Variants in PPEF1 observed in about 807,000 individuals in gnomAD.
PPEF1 encodes serine/threonine-protein phosphatase with EF-hands 1.
In PPEF1, 12 loss-of-function variants were observed where a neutral mutation model predicts 53.3. That is an observed-to-expected ratio of 0.23 (90% confidence interval 0.14 to 0.36). The LOEUF (loss-of-function observed/expected upper bound fraction) is 0.36, where lower values mean the gene tolerates loss of function less well. Ranked by LOEUF, PPEF1 falls within the 10% of genes least tolerant of loss-of-function variation. The pLI, the probability that PPEF1 is intolerant of heterozygous loss-of-function variation, is 1.00. For synonymous variants in PPEF1, 165 were observed against 176.7 expected (o/e 0.93, Z 0.52); for missense variants, 334 against 490.4 (o/e 0.68, Z 3.01).
intron 4 of PPEF1, 125 bp from the exon 5 acceptor site, chrX:18,757,502 T>C: frequency 2.0e-6 from 1 of 496,463 alleles, no homozygotes; most frequent in Non-Finnish European, 3.5e-6. Flanking sequence ...TCAGAATAAT[T>C]GAAAGGTTAT....
chrX:18,692,804 G>A (rs973341287), intron 4 of PPEF1, among the ~76,000 whole-genome samples: 3 of 111,787 alleles, frequency 2.7e-5, no homozygotes, highest in East Asian at 2.8e-4. Flanking sequence ...CGGAATCCAC[G>A]CAGTCTGTAC....
At chrX:18,751,883 T>G (rs1270536751) in intron 4 of PPEF1, among the ~76,000 whole-genome samples, 1 of 112,819 alleles carries the variant, frequency 8.9e-6, no homozygotes, top group African/African-American at 3.2e-5. Context: ...AGTACCACAC[T>G]GTCTTGATTG....
At chrX:18,677,035 C>CTTTT (rs763530257) in intron 1 of PPEF1, among the ~76,000 whole-genome samples, 2 of 90,045 alleles carry the variant, frequency 2.2e-5, no homozygotes, top group Non-Finnish European at 4.3e-5. Context: ...TCATCACAAT[C>CTTTT]TTTTTTTTTT....
intron 3 of PPEF1, among the ~76,000 whole-genome samples, chrX:18,745,292 C>T (rs1024410914): frequency 1.9e-5 from 2 of 103,269 alleles, no homozygotes; most frequent in Admixed American, 2.3e-4. Context: ...TGGCTCACTG[C>T]AGCCTCGACC....
chrX:18,810,027 A>G (rs2046772210), intron 12 of PPEF1, among the ~76,000 whole-genome samples: 2 of 109,810 alleles, frequency 1.8e-5, no homozygotes, highest in South Asian at 7.9e-4. Flanking sequence ...TTTATTTGCC[A>G]GTTATAAATA....
intron 10 of PPEF1, among the ~76,000 whole-genome samples, chrX:18,789,899 C>G (rs959658500): frequency 1.8e-5 from 2 of 112,227 alleles, no homozygotes; most frequent in Non-Finnish European, 3.8e-5. Flanking sequence ...CTTCTATGAG[C>G]CATCACATAC....
intron 1 of PPEF1, among the ~76,000 whole-genome samples, chrX:18,708,238 A>G (rs1000395067): frequency 8.9e-6 from 1 of 112,122 alleles, no homozygotes; most frequent in Non-Finnish European, 1.9e-5. Context: ...CATTATTTCT[A>G]TATCTATTCA....
intron 3 of PPEF1, among the ~76,000 whole-genome samples, chrX:18,686,775 A>G (rs1929096947): frequency 8.9e-6 from 1 of 111,793 alleles, no homozygotes; most frequent in Non-Finnish European, 1.9e-5. Flanking sequence ...ATTGAATACT[A>G]TGAGCCAGGC....
intron 13 of PPEF1, among the ~76,000 whole-genome samples, chrX:18,821,758 C>T (rs867810688): frequency 2.0e-3 from 58 of 28,668 alleles, no homozygotes; most frequent in Middle Eastern, 0.035. Context: ...GAAACCATGG[C>T]GAGAGAGAGA....
At chrX:18,683,848 A>T (rs1194180285) in intron 1 of PPEF1, among the ~76,000 whole-genome samples, 1 of 112,347 alleles carries the variant, frequency 8.9e-6, no homozygotes, top group East Asian at 2.8e-4. Context: ...ATTGGGAAGA[A>T]GAAAGCTGCA....
intron 7 of PPEF1, among the ~76,000 whole-genome samples, chrX:18,781,817 G>A (rs761051887): frequency 9.0e-6 from 1 of 111,335 alleles, no homozygotes; most frequent in South Asian, 3.8e-4. Context: ...CTGCTATTCA[G>A]GCATTAAGGT....
rs907395355 is a variant in PPEF1 at position 18,736,135 on chromosome X, G to A, written c.235+2327G>A. 4.5e-5 allele frequency among the ~76,000 whole-genome samples: 5 copies of A among 111,357 alleles called. 1 individual carries two copies. The South Asian group carries it at 1.5e-3, about 34-fold the overall frequency. On this transcript the variant is annotated intron_variant, in intron 3 of 15. Transcript: ENST00000470157. The stretch of plus-strand genomic sequence containing the variant: ...TACCCTTTATTTCTTTCTCCTGCCT[G>A]ATTGCCCTGGCCAGAACTTCCAACA...
At chrX:18,807,907 G>A (rs751749289) in intron 12 of PPEF1, among the ~76,000 whole-genome samples, 15 of 108,255 alleles carry the variant, frequency 1.4e-4, no homozygotes, top group South Asian at 4.1e-4. Context: ...TGATTTGCCC[G>A]CCTCGGCCTC....
chrX:18,820,254 T>C (rs2047004956), intron 13 of PPEF1, among the ~76,000 whole-genome samples: 1 of 111,892 alleles, frequency 8.9e-6, no homozygotes, highest in African/African-American at 3.3e-5. Flanking sequence ...CTTATTCATA[T>C]AGCTTCAAAA....
At chrX:18,675,965 G>C (rs1928659192) in exon 1 of PPEF1, 1 of 90,086 alleles carries the variant, frequency 1.1e-5, no homozygotes, top group African/African-American at 4.0e-5. Context: ...GCGGGGGGGG[G>C]GGGGCATCTT....
chrX:18,812,351 A>G (rs2046828633), intron 12 of PPEF1, among the ~76,000 whole-genome samples: 1 of 112,044 alleles, frequency 8.9e-6, no homozygotes, highest in Admixed American at 9.5e-5. Flanking sequence ...GTCTATCCTA[A>G]TGCTAGGACC....
At chrX:18,727,052 A>C (rs1334245147) in intron 1 of PPEF1, among the ~76,000 whole-genome samples, 1 of 112,500 alleles carries the variant, frequency 8.9e-6, no homozygotes, top group African/African-American at 3.2e-5. Context: ...GCAGATGAAG[A>C]AGCAGAGGCA....
At chrX:18,725,042 C>G (rs891056544) in intron 1 of PPEF1, among the ~76,000 whole-genome samples, 7 of 111,084 alleles carry the variant, frequency 6.3e-5, no homozygotes, top group Non-Finnish European at 1.1e-4. Context: ...TCAAAGTCCA[C>G]TTTATTAGCT....
chrX:18,793,801 G>C lies in PPEF1; in HGVS notation c.1065+4528G>C, dbSNP rs369057156. On this transcript the variant is annotated intron_variant, in intron 10 of 15. Transcript: ENST00000470157. ...TTCCCATGCCCCTCTGGGGCTTGTT[G>C]TTATTTGCTTTTTTGTTTATTTGTT... 1.3e-4 allele frequency among the ~76,000 whole-genome samples: 14 copies of C among 107,958 alleles called. No homozygotes were observed. In the East Asian group the frequency reaches 2.7e-3, roughly 20 times the overall value. The allele number at this position is 107,958 out of a possible 115,157, so 93.7% of individuals were successfully genotyped here. A position where few individuals can be genotyped will look rare whatever the true frequency, so the allele number is the denominator to read the frequency against.
Sources: gnomAD v4.1 joint callset for allele counts (sites outside exome capture counted in the v4.1 genomes callset) on GRCh38, gnomAD v4.1.1 for gene constraint, MANE v1.5 for transcripts, NCBI Gene and HGNC (gene_info 2026-07-23, HGNC 2026-07-21) for gene names.